Variants in TMEM201 observed in about 807,000 individuals in gnomAD.
TMEM201 encodes RP13-15M17.2.
Under a neutral mutation model 63.4 loss-of-function variants are expected in TMEM201, and 26 were observed. That is an observed-to-expected ratio of 0.41 (90% CI 0.30 to 0.57). TMEM201 has a LOEUF of 0.57. TMEM201 is among the 20% of genes least tolerant of loss of function. The pLI is 0.29. For synonymous variants in TMEM201, 417 were observed against 421.6 expected, an observed-to-expected ratio of 0.99 and a Z score of 0.14; for missense variants, 794 against 917.7, an observed-to-expected ratio of 0.87 and a Z score of 1.74.
intron 1 of TMEM201, among the ~76,000 whole-genome samples, chr1:9,591,499 G>C (rs959990024): frequency 6.6e-6 from 1 of 152,244 alleles, no homozygotes; most frequent in Non-Finnish European, 1.5e-5. Context: ...CCGTCGTGAA[G>C]TCTGTGGCTT....
intron 4 of TMEM201, 147 bp from the exon 5 acceptor site, chr1:9,600,958 G>T: frequency 1.6e-6 from 1 of 644,058 alleles, no homozygotes; most frequent in Non-Finnish European, 2.7e-6. Flanking sequence ...GAGGCGGGCC[G>T]GTGGAACTGA....
intron 4 of TMEM201, among the ~76,000 whole-genome samples, 173 bp downstream of exon 4, chr1:9,598,798 C>T (rs1383085613): frequency 3.3e-5 from 5 of 151,842 alleles, no homozygotes; most frequent in South Asian, 2.1e-4. Flanking sequence ...TACAGGCACA[C>T]GCCACCACGC....
At chr1:9,597,317 C>T (rs374568180) in intron 3 of TMEM201, among the ~76,000 whole-genome samples, 2 of 152,322 alleles carry the variant, frequency 1.3e-5, no homozygotes, top group East Asian at 3.9e-4. Flanking sequence ...GGGTTCCAAG[C>T]CTAGGAACAC....
chr1:9,596,794 G>A (rs1644028345), intron 2 of TMEM201, 65 bp from the exon 3 acceptor site: 3 of 1,511,496 alleles, frequency 2.0e-6, no homozygotes, highest in Non-Finnish European at 2.7e-6. Flanking sequence ...GGCCCCCAGG[G>A]ACATCACCAA....
At chr1:9,612,757 G>A (rs550416912) in intron 10 of TMEM201, among the ~76,000 whole-genome samples, 6 of 152,318 alleles carry the variant, frequency 3.9e-5, no homozygotes, top group East Asian at 3.9e-4. Context: ...CCTTCCTGGC[G>A]GCTCAGGGTT....
In TMEM201 at chr1:9,602,192, A is replaced by G. The variant is rs758523677; in HGVS notation, c.1080A>G (p.Thr360=). Residue 360 remains threonine, a synonymous_variant, in exon 6 of 11, where the codon ACA becomes ACG. Transcript: ENST00000340381. ...SWLDTLKFST[T]SLCCLVGFTA... ...TAGACACGCTCAAGTTCAGCACCAC[A>G]TCTTTGTGCTGCCTGGTTGGCTTCA... is the stretch of plus-strand genomic sequence containing the variant. The G allele has an allele frequency of 6.2e-7, 1 of 1,613,156 alleles. No homozygotes were observed. Among genetic ancestry groups the G allele is most frequent in the South Asian group, 1.1e-5 (1 of 91,086 alleles).
At chr1:9,602,905 G>A (rs1417227904) in intron 6 of TMEM201, 1 of 985,632 alleles carries the variant, frequency 1.0e-6, no homozygotes, top group Non-Finnish European at 1.2e-6. Context: ...TCTGGCTGCT[G>A]CTTGGCCTCC....
At chr1:9,611,387 G>C (rs999960568) in intron 9 of TMEM201, among the ~76,000 whole-genome samples, 4 of 152,038 alleles carry the variant, frequency 2.6e-5, no homozygotes, top group South Asian at 2.1e-4. Flanking sequence ...TAGTAGAGAC[G>C]GGATATCACC....
intron 1 of TMEM201, among the ~76,000 whole-genome samples, chr1:9,591,057 G>T (rs1643910639): frequency 6.6e-6 from 1 of 152,176 alleles, no homozygotes; most frequent in Non-Finnish European, 1.5e-5. Context: ...TTGTGCTTTA[G>T]GACTGGCTGA....
chr1:9,601,722 G>A (rs184235586), intron 5 of TMEM201, among the ~76,000 whole-genome samples: 3 of 152,254 alleles, frequency 2.0e-5, no homozygotes, highest in South Asian at 4.2e-4. Context: ...TCAGGATGAC[G>A]ATAACCACCT....
In TMEM201 at chr1:9,604,047, C is replaced by A. The variant is rs971440142; in HGVS notation, c.1160+1775C>A. On this transcript the variant is annotated intron_variant, in intron 6 of 10. Coordinates refer to ENST00000340381, the MANE Select transcript of TMEM201 (RefSeq NM_001130924.3). The surrounding 1 kb of genome is among the most constrained non-coding windows in gnomAD (Gnocchi z 4.1). ...GCCTGCCTGTGCACTCACGCCACCC[C>A]CCAGCCCACAAAGAGCCCATCTGAG... The A allele has an allele frequency of 5.1e-6, 5 of 985,348 alleles. No homozygotes were observed. The South Asian group carries it at 1.4e-4, about 28-fold the overall frequency. 61.0% of individuals were successfully genotyped at this position (985,348 alleles called of 1,614,324 possible). A position where few individuals can be genotyped will look rare whatever the true frequency, so the allele number is the denominator to read the frequency against.
intron 1 of TMEM201, among the ~76,000 whole-genome samples, chr1:9,594,727 C>G (rs1192430291): frequency 6.6e-6 from 1 of 152,248 alleles, no homozygotes; most frequent in Non-Finnish European, 1.5e-5. Context: ...ACAGAGCTGG[C>G]TCTTTGCAGA....
At chr1:9,590,572 T>C (rs536842518) in intron 1 of TMEM201, among the ~76,000 whole-genome samples, 1 of 152,176 alleles carries the variant, frequency 6.6e-6, no homozygotes, top group South Asian at 2.1e-4. Context: ...CAGCTCTCCA[T>C]CTCCTGGAAA....
rs1373845129 is a variant in TMEM201, at chr1:9,607,799, G to T, written c.1393+10G>T. ...TCTCTGACTCGAGCAGGTAAGGGGT[G>T]CCCAGGCATTGGCAGACAGTCAGGG... On this transcript the variant is annotated intron_variant, in intron 7 of 10. Coordinates refer to ENST00000340381, the MANE Select transcript of TMEM201 (RefSeq NM_001130924.3). This position sits in a 1 kb window ranked among gnomAD's most constrained non-coding sequence, Gnocchi z 5.4. The T allele has an allele frequency of 6.4e-7, 1 of 1,550,666 alleles. No individual in the cohort carries two copies. Among genetic ancestry groups the T allele is most frequent in the South Asian group, 1.2e-5 (1 of 84,004 alleles).
At position 9,602,275 on chromosome 1, in the gene TMEM201, C is replaced by A; in HGVS notation, c.1160+3C>A. The A allele has an allele frequency of 6.2e-7, 1 of 1,610,784 alleles. No homozygotes were observed. Among genetic ancestry groups the A allele is most frequent in the South Asian group, 1.1e-5 (1 of 90,936 alleles). ...CCACGGAGGTTCCGGCCCCGAAGGT[C>A]AGAGAAGCAGCCATGACTGCGGGGG... is the stretch of plus-strand genomic sequence containing the variant. On this transcript the variant is annotated splice_donor_region_variant and intron_variant, in intron 6 of 10. Transcript: ENST00000340381.
At chr1:9,609,549 A>G (rs890292280) in intron 7 of TMEM201, among the ~76,000 whole-genome samples, 3 of 152,120 alleles carry the variant, frequency 2.0e-5, no homozygotes, top group Non-Finnish European at 2.9e-5. Context: ...GTGAGCCTCA[A>G]GTTTCTTCCT....
Position 9,607,882 on chromosome 1 carries a change from T to C in TMEM201, c.1393+93T>C, listed in dbSNP as rs550227732. The C allele has an allele frequency of 9.1e-6, 11 of 1,211,168 alleles. No individual in the cohort carries two copies. The highest frequency in any genetic ancestry group is 1.3e-5 in the Non-Finnish European group (11 of 876,304). The allele number at this position is 1,211,168 out of a possible 1,614,324, so 75.0% of individuals were successfully genotyped here. ...TACATAGTGTAGGGAGGGCCGGGAG[T>C]GGTTAGTGTTCCTGCTGCAGAGACA... On this transcript the variant is annotated intron_variant, in intron 7 of 10. Transcript: ENST00000340381. The surrounding 1 kb of genome is among the most constrained non-coding windows in gnomAD (Gnocchi z 5.4).
intron 5 of TMEM201, 51 bp downstream of exon 5, chr1:9,601,505 G>A (rs1557555641): frequency 6.6e-7 from 1 of 1,520,776 alleles, no homozygotes. Flanking sequence ...CTGTGTGCTG[G>A]ATTACTGTCT....
chr1:9,589,408 T>C (rs1173247210), intron 1 of TMEM201, among the ~76,000 whole-genome samples: 1 of 152,222 alleles, frequency 6.6e-6, no homozygotes, highest in Non-Finnish European at 1.5e-5. Context: ...TGGCGGTTGC[T>C]GCTCGGCATG....
Sources: allele counts gnomAD v4.1 joint callset (sites outside exome capture counted in the v4.1 genomes callset), GRCh38; gene constraint gnomAD v4.1.1; non-coding constraint Gnocchi (gnomAD v3.1); transcripts MANE v1.5; gene names NCBI Gene and HGNC (gene_info 2026-07-23, HGNC 2026-07-21).